The following GALC variants were observed in gnomAD, a reference collection of about 807,000 sequenced individuals.
GALC encodes the protein galactosylceramidase.
In GALC, 77 loss-of-function variants were observed where a neutral mutation model predicts 91.8. The observed-to-expected ratio is 0.84, with a 90% CI of 0.70 to 1.01. The LOEUF (loss-of-function observed/expected upper bound fraction) is 1.01, where lower values mean the gene tolerates loss of function less well. Among genes scored for constraint, GALC ranks in the 50% least tolerant of loss-of-function variants. The pLI is 0.00. For missense variants in GALC, 882 were observed against 855.9 expected (o/e 1.03, Z -0.38); for synonymous variants, 357 against 306.7 (o/e 1.16, Z -1.71).
At chr14:87,985,264 T>C (rs528880056) in intron 4 of GALC, among the ~76,000 whole-genome samples, 140 of 152,176 alleles carry the variant, frequency 9.2e-4, no homozygotes, top group Non-Finnish European at 1.7e-3. Flanking sequence ...GCAATAAATA[T>C]ATTACCAAAC....
chr14:87,988,730 G>A (rs1353100900), intron 1 of GALC, among the ~76,000 whole-genome samples: 1 of 152,022 alleles, frequency 6.6e-6, no homozygotes, highest in African/African-American at 2.4e-5. Context: ...AGCTAAAAAA[G>A]TTCTCTTCTT....
At chr14:87,990,133 T>C (rs1322629736) in intron 1 of GALC, among the ~76,000 whole-genome samples, 1 of 152,206 alleles carries the variant, frequency 6.6e-6, no homozygotes, top group Non-Finnish European at 1.5e-5. Flanking sequence ...TTACAACACT[T>C]TGAACCCCGG....
Position 87,945,556 on chromosome 14 carries a change from T to C in GALC, c.1667A>G (p.Asn556Ser), listed in dbSNP as rs1159218630. The C allele has an allele frequency of 1.4e-5, 22 of 1,591,150 alleles. No homozygotes were observed. Among genetic ancestry groups the C allele is most frequent in the Admixed American group, 3.3e-5 (2 of 59,840 alleles). Reference protein sequence around the residue: ...SNTISIIGDYNWTNLTIKCDV... With the variant: ...SNTISIIGDYSWTNLTIKCDV... The stretch of plus-strand genomic sequence containing the variant: ...ACATTGAGAACATCAATCTTACCAG[T>C]TGTAGTCTCCTATAATACTGATTGT... The change falls in exon 14 of 17, where the codon AAC becomes AGC. Residue 556 changes from asparagine to serine, a missense_variant. Physicochemically the swap from Asn to Ser is conservative, Grantham distance 46. Transcript: ENST00000261304.
chr14:87,980,483 T>C, intron 6 of GALC: 1 of 981,860 alleles, frequency 1.0e-6, no homozygotes, highest in Non-Finnish European at 1.2e-6. Context: ...TCATGACTTG[T>C]TTTTCCCCCA....
chr14:87,992,417 C>A (rs1239531392), intron 1 of GALC: 6 of 1,535,452 alleles, frequency 3.9e-6, no homozygotes, highest in Non-Finnish European at 5.2e-6. Flanking sequence ...TGCCTCCAAA[C>A]GAAATCCTAT....
chr14:87,936,883 C>T (rs1166856190), intron 16 of GALC, among the ~76,000 whole-genome samples: 1 of 51,806 alleles, frequency 1.9e-5, no homozygotes, highest in Non-Finnish European at 4.0e-5. Context: ...AAGTGCTTAC[C>T]ACATATCAGG....
upstream of GALC, chr14:87,993,341 T>C (rs1419096712): frequency 6.5e-7 from 1 of 1,535,776 alleles, no homozygotes; most frequent in South Asian, 1.2e-5. Context: ...TTCTTATCGC[T>C]CGCGTGTCTG....
At chr14:87,953,581 C>G (rs1885397832) in intron 10 of GALC, 2 of 1,609,610 alleles carry the variant, frequency 1.2e-6, no homozygotes, top group Non-Finnish European at 1.7e-6. Context: ...CTCAGGAATA[C>G]TGTGTTCCCA....
At chr14:87,983,256 C>T (rs891158882) in intron 5 of GALC, among the ~76,000 whole-genome samples, 1 of 152,082 alleles carries the variant, frequency 6.6e-6, no homozygotes, top group South Asian at 2.1e-4. Flanking sequence ...CACTTGAACC[C>T]AGGAGGCAGA....
chr14:87,936,734 T>G (rs1884584171), intron 16 of GALC, among the ~76,000 whole-genome samples: 1 of 151,368 alleles, frequency 6.6e-6, no homozygotes, highest in Non-Finnish European at 1.5e-5. Context: ...GTTATCTCCA[T>G]TTTGCAGATA....
chr14:87,965,489 T>G lies in GALC; in HGVS notation c.1033+16A>C. On this transcript the variant is annotated intron_variant, in intron 9 of 16. Transcript: ENST00000261304. Reference sequence around the variant, plus strand: ...AGAGAAGAATTTAGGGAGTGAGAGATGGAACTGAACCATACCTGATACCCA... The same window carrying G: ...AGAGAAGAATTTAGGGAGTGAGAGAGGGAACTGAACCATACCTGATACCCA... The G allele has an allele frequency of 6.2e-7, 1 of 1,613,082 alleles. No individual in the cohort carries two copies. The highest frequency in any genetic ancestry group is 1.3e-5 in the African/African-American group (1 of 75,008).
chr14:87,944,179 T>G (rs1041034342), intron 14 of GALC, among the ~76,000 whole-genome samples: 4 of 151,950 alleles, frequency 2.6e-5, no homozygotes, highest in South Asian at 4.1e-4. Flanking sequence ...GATTCAAATA[T>G]ATGAAGATCT....
intron 1 of GALC, 175 bp downstream of exon 1, chr14:87,992,795 C>A (rs1469236020): frequency 7.1e-7 from 1 of 1,407,790 alleles, no homozygotes; most frequent in Non-Finnish European, 9.2e-7. Context: ...GAGAAAGCAC[C>A]CGCCCCAGCC....
rs769380780 is a variant in GALC at position 87,947,898 on chromosome 14, T to C, written c.1339-20A>G. ...AAGGAGCTGAAAAAGAAGACACTAC[T>C]GTATTCAGGACCAGGTACTATAGCT... On this transcript the variant is annotated intron_variant, in intron 12 of 16. Coordinates refer to ENST00000261304, the MANE Select transcript of GALC (RefSeq NM_000153.4). 1.1e-5 allele frequency: 18 copies of C among 1,609,266 alleles called. No homozygotes were observed. The South Asian group carries it at 2.0e-4, about 18-fold the overall frequency.
intron 7 of GALC, among the ~76,000 whole-genome samples, chr14:87,972,048 G>A (rs1417252149): frequency 6.6e-6 from 1 of 152,062 alleles, no homozygotes; most frequent in Non-Finnish European, 1.5e-5. Context: ...AATGAGGCAG[G>A]GAGGAATAGT....
At chr14:87,955,912 G>A (rs1431138358) in intron 10 of GALC, among the ~76,000 whole-genome samples, 1 of 151,382 alleles carries the variant, frequency 6.6e-6, no homozygotes, top group African/African-American at 2.4e-5. Flanking sequence ...TAAGTTCAGA[G>A]TATGCCGAGT....
chr14:87,950,149 T>TA (rs1339990557), intron 11 of GALC, among the ~76,000 whole-genome samples: 3 of 151,948 alleles, frequency 2.0e-5, no homozygotes, highest in African/African-American at 7.2e-5. Flanking sequence ...TGGCAAATGA[T>TA]AAAAAAATTA....
chr14:87,952,709 G>T, intron 10 of GALC: 1 of 1,513,378 alleles, frequency 6.6e-7, no homozygotes, highest in South Asian at 1.1e-5. Context: ...AGATCTTAGT[G>T]GTCATTTCTT....
rs185073540 is a variant in GALC, at chr14:87,965,532, C to T, written c.1006G>A (p.Val336Met). ...GATACCCAGACAGGAGATTCTACCA[C>T]GTAGTGCCCACTCCATGGCTCCTGG... ...TAQEPWSGHY[V>M]VESPVWVSAH... Residue 336 changes from valine (V) to methionine (M), a missense_variant, in exon 9 of 17, where the codon GTG (valine) becomes ATG (methionine). Coordinates refer to ENST00000261304, the MANE Select transcript of GALC (RefSeq NM_000153.4). 5.9e-4 allele frequency: 957 copies of T among 1,613,388 alleles called. 9 individuals are homozygous for T. The African/African-American group carries it at 0.011, about 19-fold the overall frequency.
Sources: allele counts gnomAD v4.1 joint callset (sites outside exome capture counted in the v4.1 genomes callset), GRCh38; gene constraint gnomAD v4.1.1; transcripts MANE v1.5; gene names NCBI Gene and HGNC (gene_info 2026-07-23, HGNC 2026-07-21).